STS: variants seen among roughly 807,000 people sequenced by gnomAD.
STS encodes steroid sulfatase.
Under a neutral mutation model 26.8 loss-of-function variants are expected in STS, and 7 were observed. The observed-to-expected ratio is 0.26, with a 90% CI of 0.15 to 0.49. STS has a LOEUF of 0.49. STS is among the 20% of genes least tolerant of loss of function. The pLI is 0.98. For missense variants in STS, 434 were observed against 465.6 expected, an observed-to-expected ratio of 0.93 and a Z score of 0.63; for synonymous variants, 199 against 189.4, an observed-to-expected ratio of 1.05 and a Z score of -0.42.
At chrX:7,342,185 T>C (rs1928321600) in intron 10 of STS, among the ~76,000 whole-genome samples, 1 of 111,632 alleles carries the variant, frequency 9.0e-6, no homozygotes, top group African/African-American at 3.3e-5. Flanking sequence ...GTGGGAGATA[T>C]AGTCCCTGCC....
chrX:7,254,129 A>G (rs60097691), intron 3 of STS, among the ~76,000 whole-genome samples: 4,683 of 111,884 alleles, frequency 0.042, 229 homozygotes, highest in African/African-American at 0.14. Context: ...TGAGCATTTC[A>G]ACATCTGAAT....
intron 2 of STS, among the ~76,000 whole-genome samples, chrX:7,206,278 G>C (rs1275978566): frequency 8.9e-6 from 1 of 112,067 alleles, no homozygotes. Flanking sequence ...TAATTTTCAT[G>C]TCTTTTCTCT....
intron 1 of STS, among the ~76,000 whole-genome samples, chrX:7,150,675 G>C (rs1241851611): frequency 9.1e-6 from 1 of 110,403 alleles, no homozygotes; most frequent in African/African-American, 3.3e-5. Context: ...GTTTTTATCA[G>C]TCTTATTTTC....
At chrX:7,332,587 A>T (rs752391579) in intron 9 of STS, among the ~76,000 whole-genome samples, 1 of 110,849 alleles carries the variant, frequency 9.0e-6, no homozygotes, top group Non-Finnish European at 1.9e-5. Context: ...CCTTCAGGTC[A>T]CTTTTCACCA....
chrX:7,191,261 C>G (rs1229371376), intron 2 of STS, among the ~76,000 whole-genome samples: 1 of 111,968 alleles, frequency 8.9e-6, no homozygotes, highest in African/African-American at 3.3e-5. Context: ...AAAGACTGTC[C>G]TGGGCCAATG....
At chrX:7,205,896 G>C (rs768831611) in intron 2 of STS, among the ~76,000 whole-genome samples, 44 of 108,519 alleles carry the variant, frequency 4.1e-4, no homozygotes, top group Middle Eastern at 9.6e-3. Flanking sequence ...GATTACAGGT[G>C]TGAGCCACCA....
intron 7 of STS, among the ~76,000 whole-genome samples, chrX:7,287,000 T>C (rs1425556157): frequency 9.0e-6 from 1 of 111,665 alleles, no homozygotes; most frequent in Non-Finnish European, 1.9e-5. Flanking sequence ...AATTGTGTGT[T>C]TGGGAAGCCT....
chrX:7,203,791 T>TAG lies in STS; in HGVS notation c.-5+12797_-5+12798dup, dbSNP rs1471934426. ...ATCCATATGCAAATATATATATATATAGAGAGAGAGAGAGACAGGGTCCTG... is the reference window on the plus strand; with the variant it reads ...ATCCATATGCAAATATATATATATATAGAGAGAGAGAGAGAGACAGGGTCCTG... On this transcript the variant is annotated intron_variant, in intron 2 of 10. Transcript: ENST00000674429. Among the ~76,000 whole-genome samples the TAG allele has an allele frequency of 8.5e-3, 906 of 106,130 alleles. 6 individuals carry two copies. Among genetic ancestry groups the TAG allele is most frequent in the Middle Eastern group, 0.024 (5 of 206 alleles). 92.2% of individuals were successfully genotyped at this position (106,130 alleles called of 115,157 possible). A position where few individuals can be genotyped will look rare whatever the true frequency, so the allele number is the denominator to read the frequency against.
chrX:7,164,363 T>C (rs1933307250), intron 1 of STS, among the ~76,000 whole-genome samples: 1 of 111,888 alleles, frequency 8.9e-6, no homozygotes, highest in Admixed American at 9.5e-5. Flanking sequence ...GGTGCTGTTG[T>C]TTTTTGGTTT....
chrX:7,184,425 T>C (rs1933737456), intron 1 of STS, among the ~76,000 whole-genome samples: 1 of 112,547 alleles, frequency 8.9e-6, no homozygotes, highest in South Asian at 3.7e-4. Context: ...TTTTAAAAAA[T>C]CATTTTGCAT....
At chrX:7,276,279 G>A (rs948809784) in intron 7 of STS, among the ~76,000 whole-genome samples, 192 bp downstream of exon 7, 2 of 109,901 alleles carry the variant, frequency 1.8e-5, no homozygotes, top group Admixed American at 9.8e-5. Flanking sequence ...CACCAGCCTC[G>A]GCAACATAGG....
At chrX:7,208,984 G>T (rs1230886427) in intron 2 of STS, among the ~76,000 whole-genome samples, 4 of 111,548 alleles carry the variant, frequency 3.6e-5, no homozygotes. Flanking sequence ...CCTTCTTAGA[G>T]GGGCCTTTGT....
At chrX:7,219,561 A>G (rs1244584373) in intron 2 of STS, 33 of 1,205,075 alleles carry the variant, frequency 2.7e-5, no homozygotes, top group Non-Finnish European at 3.5e-5. Flanking sequence ...TTCTCATGGG[A>G]ATATGCTTAT....
In STS at chrX:7,311,128, G is replaced by A. The variant is rs866245308; in HGVS notation, c.1081+5945G>A. 3.4e-4 allele frequency among the ~76,000 whole-genome samples: 37 copies of A among 109,941 alleles called. 1 individual carries two copies. Among genetic ancestry groups the A allele is most frequent in the Middle Eastern group, 9.2e-3 (2 of 217 alleles). On this transcript the variant is annotated intron_variant, in intron 8 of 10. Coordinates refer to ENST00000674429, the MANE Select transcript of STS (RefSeq NM_001320752.2). ...TTATTTTCTAAGTTTATCTGACATT[G>A]GTCATCTTTTGTCAGCTGTATCAAT...
intron 2 of STS, among the ~76,000 whole-genome samples, chrX:7,247,532 G>A (rs1922944762): frequency 8.9e-6 from 1 of 112,456 alleles, no homozygotes; most frequent in African/African-American, 3.2e-5. Flanking sequence ...TGTATAGGAT[G>A]TTGTAAGAAA....
intron 2 of STS, among the ~76,000 whole-genome samples, chrX:7,237,881 G>A (rs1922395470): frequency 9.0e-6 from 1 of 111,220 alleles, no homozygotes; most frequent in South Asian, 3.8e-4. Flanking sequence ...ATTCCACTCT[G>A]TCTGTCTGTG....
chrX:7,293,776 T>G (rs376377146), intron 7 of STS, among the ~76,000 whole-genome samples: 1 of 111,463 alleles, frequency 9.0e-6, no homozygotes, highest in East Asian at 2.8e-4. Flanking sequence ...AAATCTGCAT[T>G]TGTGACAAAA....
At chrX:7,152,851 A>C (rs1240055347) in intron 1 of STS, among the ~76,000 whole-genome samples, 1 of 113,013 alleles carries the variant, frequency 8.8e-6, no homozygotes, top group Non-Finnish European at 1.9e-5. Context: ...TATGAAAATA[A>C]TAAAATGTAG....
intron 7 of STS, among the ~76,000 whole-genome samples, chrX:7,292,859 A>T (rs1925484154): frequency 9.0e-6 from 1 of 111,069 alleles, no homozygotes; most frequent in African/African-American, 3.3e-5. Flanking sequence ...GAACCAGTCT[A>T]GTTAGGACTG....
Sources: allele counts gnomAD v4.1 joint callset (sites outside exome capture counted in the v4.1 genomes callset), GRCh38; gene constraint gnomAD v4.1.1; transcripts MANE v1.5; gene names NCBI Gene and HGNC (gene_info 2026-07-23, HGNC 2026-07-21).